PARP16: variants seen among roughly 807,000 people sequenced by gnomAD.
PARP16 encodes protein mono-ADP-ribosyltransferase PARP16.
In PARP16, 31 loss-of-function variants were observed where a neutral mutation model predicts 35.0. The observed-to-expected ratio is 0.88, with a 90% CI of 0.66 to 1.19. The LOEUF is 1.19. Among genes scored for constraint, PARP16 ranks in the 50% most tolerant of loss-of-function variants. The pLI, the probability that PARP16 is intolerant of heterozygous loss-of-function variation, is 0.00. For missense variants in PARP16, 424 were observed against 411.2 expected, an observed-to-expected ratio of 1.03 and a Z score of -0.27; for synonymous variants, 162 against 169.5, an observed-to-expected ratio of 0.96 and a Z score of 0.34.
chr15:65,271,704 G>C (rs186002763), intron 1 of PARP16, among the ~76,000 whole-genome samples: 136 of 152,276 alleles, frequency 8.9e-4, no homozygotes, highest in African/African-American at 3.2e-3. Flanking sequence ...AACATGCCAT[G>C]AGTATGGCAT....
chr15:65,243,879 C>T (rs779256582), intron 3 of PARP16, among the ~76,000 whole-genome samples: 12 of 152,090 alleles, frequency 7.9e-5, no homozygotes, highest in Non-Finnish European at 1.8e-4. Flanking sequence ...TGTCTCCTGT[C>T]TGGTAGGCTC....
At chr15:65,282,869 T>C (rs1003752564) in intron 1 of PARP16, among the ~76,000 whole-genome samples, 4 of 152,298 alleles carry the variant, frequency 2.6e-5, no homozygotes, top group Non-Finnish European at 5.9e-5. Flanking sequence ...ATTGATACCT[T>C]TGCAGAGGGG....
chr15:65,247,315 C>T (rs1219641849), intron 3 of PARP16, among the ~76,000 whole-genome samples: 1 of 152,156 alleles, frequency 6.6e-6, no homozygotes, highest in African/African-American at 2.4e-5. Flanking sequence ...ACTTTACACA[C>T]ATTATTTTAT....
At chr15:65,237,122 G>A (rs1303932997) in intron 3 of PARP16, among the ~76,000 whole-genome samples, 1 of 152,154 alleles carries the variant, frequency 6.6e-6, no homozygotes, top group Non-Finnish European at 1.5e-5. Flanking sequence ...TCAGGCCTGG[G>A]AGGGCTGGGA....
At chr15:65,255,110 T>C (rs2089462449), downstream of PARP16, among the ~76,000 whole-genome samples, 1 of 152,100 alleles carries the variant, frequency 6.6e-6, no homozygotes, top group Admixed American at 6.6e-5. Context: ...ACTTTCACTT[T>C]TCCCAGAGCT....
In PARP16 at chr15:65,263,281, A is replaced by G; in HGVS notation, c.559T>C (p.Leu187=). Residue 187 remains leucine, a synonymous_variant, in exon 4 of 6, where the codon TTG becomes CTG. Transcript: ENST00000649807. ...GGGCTGTATATGAGGGCCAGGCTCAAGTCACTGGTGAGGTAGGTCCCCTCT... is the reference window on the plus strand; with the variant it reads ...GGGCTGTATATGAGGGCCAGGCTCAGGTCACTGGTGAGGTAGGTCCCCTCT... ...FGEGTYLTSD[L]SLALIYSPHG... is the part of the protein sequence containing the mutation. 1 of 1,610,942 alleles carries G rather than the reference A, an allele frequency of 6.2e-7. No individual in the cohort carries two copies. Among genetic ancestry groups the G allele is most frequent in the South Asian group, 1.1e-5 (1 of 90,830 alleles).
At chr15:65,243,947 G>C (rs2089142554) in intron 3 of PARP16, among the ~76,000 whole-genome samples, 1 of 151,806 alleles carries the variant, frequency 6.6e-6, no homozygotes, top group African/African-American at 2.4e-5. Context: ...GAACCCCCAA[G>C]AAGCTTCTTG....
chr15:65,240,634 A>AT (rs1239275564), intron 3 of PARP16, among the ~76,000 whole-genome samples: 1 of 151,928 alleles, frequency 6.6e-6, no homozygotes, highest in Non-Finnish European at 1.5e-5. Flanking sequence ...ATATACCACA[A>AT]TTTTTTACCC....
At chr15:65,278,197 T>C (rs1437813563) in intron 1 of PARP16, among the ~76,000 whole-genome samples, 1 of 152,140 alleles carries the variant, frequency 6.6e-6, no homozygotes, top group African/African-American at 2.4e-5. Context: ...AAGACTGTGT[T>C]GAACTGGTGA....
intron 3 of PARP16, among the ~76,000 whole-genome samples, chr15:65,242,926 G>A (rs2089117939): frequency 6.6e-6 from 1 of 152,004 alleles, no homozygotes; most frequent in Non-Finnish European, 1.5e-5. Flanking sequence ...TGCTGGCCAG[G>A]CTGGTCTCGA....
At chr15:65,285,070 C>T (rs2140993788) in intron 1 of PARP16, among the ~76,000 whole-genome samples, 1 of 152,036 alleles carries the variant, frequency 6.6e-6, no homozygotes, top group Non-Finnish European at 1.5e-5. Flanking sequence ...CAGGCATGAG[C>T]CACTCAGCCT....
At chr15:65,268,196 C>T (rs547345495) in intron 2 of PARP16, among the ~76,000 whole-genome samples, 1 of 152,054 alleles carries the variant, frequency 6.6e-6, no homozygotes, top group Admixed American at 6.6e-5. Context: ...CTTTGGCCAA[C>T]GGGACATTAA....
downstream of PARP16, among the ~76,000 whole-genome samples, chr15:65,253,621 C>T (rs1394570267): frequency 1.3e-5 from 2 of 152,176 alleles, no homozygotes; most frequent in African/African-American, 2.4e-5. Context: ...TGAGCCACCG[C>T]GCCCGGCCTT....
intron 5 of PARP16, 59 bp downstream of exon 5, chr15:65,260,826 C>A (rs1395666720): frequency 3.2e-6 from 5 of 1,553,664 alleles, no homozygotes; most frequent in Non-Finnish European, 4.4e-6. Context: ...CTGATACCTA[C>A]AACAACTAAG....
chr15:65,247,963 C>A (rs1320553113), intron 3 of PARP16, among the ~76,000 whole-genome samples: 2 of 152,060 alleles, frequency 1.3e-5, no homozygotes, highest in African/African-American at 4.8e-5. Context: ...CGCCACCACG[C>A]CCGGCTAATT....
chr15:65,275,193 C>A (rs906577071), intron 1 of PARP16, among the ~76,000 whole-genome samples: 1 of 151,224 alleles, frequency 6.6e-6, no homozygotes, highest in East Asian at 1.9e-4. Context: ...ACTCCTGTTG[C>A]GTAGGGGCTA....
chr15:65,249,709 A>C (rs1173872052), intron 2 of PARP16, among the ~76,000 whole-genome samples: 1 of 152,242 alleles, frequency 6.6e-6, no homozygotes, highest in Non-Finnish European at 1.5e-5. Context: ...CCCTGGATGC[A>C]AGGTCTCAAA....
At chr15:65,243,357 C>T (rs2089129389) in intron 3 of PARP16, among the ~76,000 whole-genome samples, 2 of 152,036 alleles carry the variant, frequency 1.3e-5, no homozygotes, top group Middle Eastern at 3.4e-3. Flanking sequence ...CTCAAGTGGT[C>T]CTCCTGCCTC....
At chr15:65,246,198 G>T (rs931429083) in intron 3 of PARP16, among the ~76,000 whole-genome samples, 2 of 152,098 alleles carry the variant, frequency 1.3e-5, no homozygotes, top group Non-Finnish European at 2.9e-5. Flanking sequence ...CCCTCCCTCA[G>T]TCCCTCCAGG....
Sources: allele counts gnomAD v4.1 joint callset (sites outside exome capture counted in the v4.1 genomes callset), GRCh38; gene constraint gnomAD v4.1.1; transcripts MANE v1.5; gene names NCBI Gene and HGNC (gene_info 2026-07-23, HGNC 2026-07-21).